Variants in NFIB observed in about 807,000 individuals in gnomAD.
The protein encoded by NFIB is nuclear factor 1 B-type.
NFIB carries 11 observed loss-of-function variants against 61.5 expected under a neutral mutation model. The ratio of observed to expected loss-of-function variants is 0.18; its 90% CI spans 0.11 to 0.30. The LOEUF (loss-of-function observed/expected upper bound fraction) is 0.30. Among genes scored for constraint, NFIB ranks in the 10% least tolerant of loss-of-function variants. The pLI, the probability that NFIB is intolerant of heterozygous loss-of-function variation, is 1.00. For missense variants in NFIB, 471 were observed against 608.9 expected (o/e 0.77, Z 2.38); for synonymous variants, 260 against 216.5 (o/e 1.20, Z -1.76).
intron 2 of NFIB, among the ~76,000 whole-genome samples, chr9:14,192,815 T>A (rs549973764): frequency 5.1e-4 from 77 of 152,296 alleles, no homozygotes; most frequent in African/African-American, 1.8e-3. Context: ...CTAACATTAC[T>A]GTAACTGGCC....
intron 10 of NFIB, among the ~76,000 whole-genome samples, chr9:14,088,755 C>T (rs1478399552): frequency 6.6e-6 from 1 of 152,056 alleles, no homozygotes; most frequent in Non-Finnish European, 1.5e-5. Flanking sequence ...AATTCACAAG[C>T]AATTCAGTGG....
upstream of NFIB, chr9:14,314,316 G>A: frequency 4.2e-6 from 1 of 235,682 alleles, no homozygotes; most frequent in Non-Finnish European, 6.9e-6. Context: ...CCGGGTCTTC[G>A]GCGCCCGGCC....
chr9:14,204,078 A>C (rs1369067299), intron 2 of NFIB, among the ~76,000 whole-genome samples: 1 of 152,250 alleles, frequency 6.6e-6, no homozygotes, highest in East Asian at 1.9e-4. Context: ...ACGTGTATGA[A>C]AAATGAAAAC....
At chr9:14,405,129 A>C in the NFIB span, among the ~76,000 whole-genome samples, 1 of 152,174 alleles carries the variant, frequency 6.6e-6, no homozygotes, top group Non-Finnish European at 1.5e-5. Context: ...CTCCCACTGG[A>C]TTCTCCATAA....
the NFIB span, among the ~76,000 whole-genome samples, chr9:14,488,486 A>T: frequency 6.6e-6 from 1 of 152,296 alleles, no homozygotes; most frequent in East Asian, 1.9e-4. Flanking sequence ...GTAAAATAGT[A>T]TGCTGGGTTA....
chr9:14,271,382 T>C (rs1338840245), intron 2 of NFIB, among the ~76,000 whole-genome samples: 1 of 152,070 alleles, frequency 6.6e-6, no homozygotes. Context: ...GCCTCCTTAG[T>C]TGAAAGAGTA....
intron 1 of NFIB, among the ~76,000 whole-genome samples, chr9:14,328,962 T>C (rs1464098348): frequency 6.6e-6 from 1 of 152,210 alleles, no homozygotes; most frequent in African/African-American, 2.4e-5. Flanking sequence ...AAGTGGAAGG[T>C]GAGACTTTTT....
intron 3 of NFIB, among the ~76,000 whole-genome samples, chr9:14,164,246 C>T (rs1004047516): frequency 5.3e-5 from 8 of 152,048 alleles, no homozygotes; most frequent in African/African-American, 1.7e-4. Flanking sequence ...TCATGAATGG[C>T]TTAATGGCAG....
chr9:14,439,638 G>A, the NFIB span, among the ~76,000 whole-genome samples: 1 of 152,138 alleles, frequency 6.6e-6, no homozygotes, highest in Non-Finnish European at 1.5e-5. Context: ...CACATGCTGA[G>A]CCCCAGAAGT....
At chr9:14,245,960 G>A (rs1013687127) in intron 2 of NFIB, among the ~76,000 whole-genome samples, 1 of 151,980 alleles carries the variant, frequency 6.6e-6, no homozygotes, top group African/African-American at 2.4e-5. Flanking sequence ...GGTCAGAAAT[G>A]AGTTTACTGT....
intron 6 of NFIB, among the ~76,000 whole-genome samples, chr9:14,134,897 C>CAAAAAAAAAAAAAAAAAAAAA (rs57014530): frequency 3.1e-5 from 2 of 64,346 alleles, no homozygotes; most frequent in African/African-American, 9.3e-5. Context: ...GACTCTGTCT[C>CAAAAAAAAAAAAAAAAAAAAA]AAAAAAAAAA....
At chr9:14,106,723 G>A (rs1011869764) in intron 10 of NFIB, among the ~76,000 whole-genome samples, 3 of 152,228 alleles carry the variant, frequency 2.0e-5, no homozygotes, top group East Asian at 1.9e-4. Flanking sequence ...AATATTGCTT[G>A]TGACTTCAGA....
chr9:14,129,349 G>A (rs975013592), intron 6 of NFIB, among the ~76,000 whole-genome samples: 1 of 145,920 alleles, frequency 6.9e-6, no homozygotes, highest in African/African-American at 2.5e-5. Context: ...AAGGCACTAT[G>A]CTAAGAACTT....
At chr9:14,309,793 C>T (rs2060198890) in intron 1 of NFIB, among the ~76,000 whole-genome samples, 1 of 152,224 alleles carries the variant, frequency 6.6e-6, no homozygotes, top group African/African-American at 2.4e-5. Context: ...TGGAAACTCA[C>T]TTCCTATAAT....
intron 2 of NFIB, among the ~76,000 whole-genome samples, chr9:14,251,687 CAGG>C (rs1563945484): frequency 6.6e-6 from 1 of 152,212 alleles, no homozygotes; most frequent in Non-Finnish European, 1.5e-5. Flanking sequence ...GAGCCTCCTG[CAGG>C]AGGTCAGCTA....
At chr9:14,432,737 G>A in the NFIB span, among the ~76,000 whole-genome samples, 2 of 152,168 alleles carry the variant, frequency 1.3e-5, no homozygotes, top group East Asian at 3.8e-4. Context: ...AGGAAGAGGA[G>A]ACCTCAGAGT....
At chr9:14,255,485 A>G (rs1185384618) in intron 2 of NFIB, among the ~76,000 whole-genome samples, 2 of 152,168 alleles carry the variant, frequency 1.3e-5, no homozygotes, top group Non-Finnish European at 1.5e-5. Context: ...GACTGAGGGG[A>G]TGATAAACTT....
chr9:14,420,989 T>C, the NFIB span, among the ~76,000 whole-genome samples: 1 of 151,532 alleles, frequency 6.6e-6, no homozygotes, highest in East Asian at 1.9e-4. Flanking sequence ...CTTAGTTAAT[T>C]ATAAGTAAAT....
At chr9:14,476,739 C>T in the NFIB span, among the ~76,000 whole-genome samples, 42 of 152,250 alleles carry the variant, frequency 2.8e-4, no homozygotes, top group South Asian at 2.1e-4. Context: ...CAAGAAAACC[C>T]GGTAATCTCT....
Sources: gnomAD v4.1 joint callset for allele counts (sites outside exome capture counted in the v4.1 genomes callset) on GRCh38, gnomAD v4.1.1 for gene constraint, MANE v1.5 for transcripts, NCBI Gene and HGNC (gene_info 2026-07-23, HGNC 2026-07-21) for gene names.